The following ESYT2 variants were observed in gnomAD, a reference collection of about 807,000 sequenced individuals.
ESYT2 encodes the protein extended synaptotagmin-2.
ESYT2 carries 54 observed loss-of-function variants against 107.2 expected under a neutral mutation model. The observed-to-expected ratio is 0.50, with a 90% confidence interval of 0.40 to 0.63. ESYT2 has a LOEUF of 0.63. Among genes scored for constraint, ESYT2 ranks in the 30% least tolerant of loss-of-function variants. ESYT2 has a pLI of 0.00. For missense variants in ESYT2, 1,020 were observed against 1,094.5 expected (o/e 0.93, Z 0.96); for synonymous variants, 491 against 434.1 (o/e 1.13, Z -1.63).
intron 4 of ESYT2, among the ~76,000 whole-genome samples, chr7:158,792,255 C>T (rs1315005187): frequency 2.7e-5 from 4 of 149,276 alleles, no homozygotes; most frequent in East Asian, 2.0e-4. Flanking sequence ...TGGGTGCAGT[C>T]GCTCACGCCT....
At chr7:158,736,204 G>T (rs1836942500) in intron 20 of ESYT2, among the ~76,000 whole-genome samples, 1 of 150,328 alleles carries the variant, frequency 6.7e-6, no homozygotes, top group African/African-American at 2.5e-5. Flanking sequence ...GCCTCGGATG[G>T]GTAGGAGCAC....
intron 7 of ESYT2, among the ~76,000 whole-genome samples, chr7:158,769,756 T>C (rs1187429495): frequency 1.3e-5 from 2 of 152,196 alleles, no homozygotes; most frequent in African/African-American, 4.8e-5. Context: ...TTAATAGGGA[T>C]AGCCCAAAGT....
intron 1 of ESYT2, among the ~76,000 whole-genome samples, chr7:158,827,174 A>AG (rs1036921314): frequency 6.6e-6 from 1 of 151,888 alleles, no homozygotes; most frequent in Non-Finnish European, 1.5e-5. Flanking sequence ...AAAAAAAAAA[A>AG]AAAAGAAAAG....
intron 1 of ESYT2, among the ~76,000 whole-genome samples, chr7:158,820,811 GA>G (rs986681967): frequency 1.3e-5 from 2 of 152,100 alleles, no homozygotes; most frequent in South Asian, 2.1e-4. Context: ...AAAAATAATT[GA>G]AAAAAACCCA....
At chr7:158,759,270 C>T (rs993983168) in intron 13 of ESYT2, among the ~76,000 whole-genome samples, 1 of 152,234 alleles carries the variant, frequency 6.6e-6, no homozygotes, top group Non-Finnish European at 1.5e-5. Context: ...CTATGTACTG[C>T]ACAAATCCAG....
intron 21 of ESYT2, among the ~76,000 whole-genome samples, chr7:158,735,016 C>T (rs772062801): frequency 5.3e-5 from 8 of 152,158 alleles, no homozygotes; most frequent in Non-Finnish European, 7.4e-5. Flanking sequence ...TCAGCTATGA[C>T]GGAATATCAG....
chr7:158,736,662 GAT>G (rs1415493743), intron 20 of ESYT2, among the ~76,000 whole-genome samples: 2 of 152,158 alleles, frequency 1.3e-5, no homozygotes, highest in East Asian at 1.9e-4. Context: ...CATACGGTAA[GAT>G]GTTTGGGGCT....
intron 3 of ESYT2, among the ~76,000 whole-genome samples, chr7:158,795,929 C>G (rs114856304): frequency 6.6e-6 from 1 of 152,148 alleles, no homozygotes; most frequent in African/African-American, 2.4e-5. Context: ...ACAGGAGGCA[C>G]GGGGTCTGGA....
intron 22 of ESYT2, 58 bp downstream of exon 22, chr7:158,734,364 C>A: frequency 6.2e-7 from 1 of 1,610,388 alleles, no homozygotes. Flanking sequence ...ACCCACTGGG[C>A]GGGGAAAGCG....
chr7:158,810,759 T>C (rs1012885483), intron 1 of ESYT2, among the ~76,000 whole-genome samples: 2 of 151,984 alleles, frequency 1.3e-5, no homozygotes, highest in African/African-American at 2.4e-5. Flanking sequence ...AGAAGGTGTC[T>C]TCCTCTAGAG....
chr7:158,746,383 A>C (rs1312543406), intron 16 of ESYT2, among the ~76,000 whole-genome samples: 1 of 151,716 alleles, frequency 6.6e-6, no homozygotes, highest in Non-Finnish European at 1.5e-5. Flanking sequence ...GGTGGTGTGC[A>C]CCTCTAGTCC....
chr7:158,788,944 C>T (rs1839195045), intron 4 of ESYT2, among the ~76,000 whole-genome samples: 1 of 152,190 alleles, frequency 6.6e-6, no homozygotes, highest in Admixed American at 6.5e-5. Context: ...CTCAATTTTA[C>T]TCAATGATTA....
At chr7:158,768,936 T>C (rs1356301728) in intron 7 of ESYT2, among the ~76,000 whole-genome samples, 3 of 152,228 alleles carry the variant, frequency 2.0e-5, no homozygotes, top group African/African-American at 7.2e-5. Context: ...ATAATGCATA[T>C]GTGGCAGCAC....
At chr7:158,737,477 C>A (rs529398020) in intron 19 of ESYT2, among the ~76,000 whole-genome samples, 31 of 152,222 alleles carry the variant, frequency 2.0e-4, no homozygotes, top group Middle Eastern at 6.8e-3. Context: ...GGTTGTCTTT[C>A]CATAATGCTT....
intron 6 of ESYT2, among the ~76,000 whole-genome samples, chr7:158,782,537 AAATG>A (rs1554586998): frequency 1.4e-5 from 2 of 143,172 alleles, no homozygotes; most frequent in African/African-American, 5.2e-5. Flanking sequence ...GAGTGTAAGA[AAATG>A]AGTGTGAGAA....
In ESYT2 at chr7:158,733,039, G is replaced by C. The variant is rs1227859160; in HGVS notation, c.*1168C>G. 1 of 152,202 alleles carries C rather than the reference G, an allele frequency of 6.6e-6. No individual in the cohort carries two copies. Among genetic ancestry groups the C allele is most frequent in the Non-Finnish European group, 1.5e-5 (1 of 68,052 alleles). The allele number at this position is 152,202 out of a possible 1,614,324, so 9.4% of individuals were successfully genotyped here. A position where few individuals can be genotyped will look rare whatever the true frequency, so the allele number is the denominator to read the frequency against. On this transcript the variant is annotated 3_prime_UTR_variant, in exon 23 of 23. Transcript: ENST00000275418. Reference sequence around the variant, plus strand: ...TAACAATATCCCAATATTAAGGTCAGTCATGGCATAAAGTGAGGCAGCCTG... The same window carrying C: ...TAACAATATCCCAATATTAAGGTCACTCATGGCATAAAGTGAGGCAGCCTG...
intron 4 of ESYT2, among the ~76,000 whole-genome samples, chr7:158,791,642 G>A (rs1159666815): frequency 1.3e-5 from 2 of 152,274 alleles, no homozygotes; most frequent in African/African-American, 2.4e-5. Context: ...ATTTCATTAC[G>A]GTCTAGATTT....
chr7:158,797,569 T>C (rs1839500994), intron 3 of ESYT2, among the ~76,000 whole-genome samples: 1 of 151,806 alleles, frequency 6.6e-6, no homozygotes, highest in Admixed American at 6.6e-5. Context: ...GAAAATGTGT[T>C]TTTCGGCCAG....
chr7:158,760,182 T>C (rs1217884075), intron 11 of ESYT2, 35 bp from the exon 12 acceptor site: 1 of 1,588,118 alleles, frequency 6.3e-7, no homozygotes, highest in Non-Finnish European at 8.6e-7. Context: ...CAGCAAAAGT[T>C]CTTCTGAATC....
Sources: gnomAD v4.1 joint callset for allele counts (sites outside exome capture counted in the v4.1 genomes callset) on GRCh38, gnomAD v4.1.1 for gene constraint, MANE v1.5 for transcripts, NCBI Gene and HGNC (gene_info 2026-07-23, HGNC 2026-07-21) for gene names.